The following NBPF14 variants were observed in gnomAD, a reference collection of about 807,000 sequenced individuals.
NBPF14 encodes NBPF family member NBPF14.
In NBPF14, 104 loss-of-function variants were observed where a neutral mutation model predicts 91.2. The ratio of observed to expected loss-of-function variants is 1.14; its 90% CI spans 0.97 to 1.34. NBPF14 has a LOEUF of 1.34. Ranked by LOEUF, NBPF14 falls within the 40% of genes most tolerant of loss-of-function variation. NBPF14 has a pLI of 0.00. For missense variants in NBPF14, 908 were observed against 783.0 expected (o/e 1.16, Z -1.91); for synonymous variants, 294 against 303.8 (o/e 0.97, Z 0.34).
rs1207906526 is a variant in NBPF14, at chr1:148,533,800, C to A, written c.8723+61G>T. ...TGACATCAAACACACTCTGGTTTCCCTGAATCTGTTGCCTCCAGGAGTTAA... is the reference window on the plus strand; with the variant it reads ...TGACATCAAACACACTCTGGTTTCCATGAATCTGTTGCCTCCAGGAGTTAA... On this transcript the variant is annotated intron_variant, in intron 70 of 70. Coordinates refer to ENST00000619423, the Ensembl canonical transcript of NBPF14. 14 of 766,094 alleles carry A rather than the reference C, an allele frequency of 1.8e-5. 2 individuals carry two copies. Among genetic ancestry groups the A allele is most frequent in the Admixed American group, 1.7e-4 (10 of 58,380 alleles). The allele number at this position is 766,094 out of a possible 1,614,324, so 47.5% of individuals were successfully genotyped here.
chr1:148,587,491 C>A, intron 7 of NBPF14, 88 bp from the exon 8 acceptor site: 6 of 1,307,074 alleles, frequency 4.6e-6, no homozygotes, highest in East Asian at 2.3e-5. Context: ...AGGTCCATCC[C>A]AAGGACAAAA....
intron 70 of NBPF14, among the ~76,000 whole-genome samples, 193 bp downstream of exon 70, chr1:148,533,668 G>T (rs1365482744): frequency 6.7e-6 from 1 of 149,206 alleles, no homozygotes; most frequent in African/African-American, 2.5e-5. Flanking sequence ...TCAACCTATG[G>T]TACGTTAGGA....
intron 68 of NBPF14, among the ~76,000 whole-genome samples, chr1:148,535,231 A>T (rs1198640451): frequency 1.3e-5 from 2 of 150,542 alleles, no homozygotes; most frequent in Non-Finnish European, 2.9e-5. Context: ...CAGTTGCCAT[A>T]CAGCCTTTGA....
intron 9 of NBPF14, among the ~76,000 whole-genome samples, chr1:148,585,463 G>A (rs1661358472): frequency 6.6e-6 from 1 of 151,510 alleles, no homozygotes; most frequent in South Asian, 2.1e-4. Flanking sequence ...CCATATCACT[G>A]GAGGCTTGTG....
At chr1:148,572,822 A>T (rs1242256223) in intron 20 of NBPF14, among the ~76,000 whole-genome samples, 1 of 46,018 alleles carries the variant, frequency 2.2e-5, no homozygotes, top group Non-Finnish European at 3.8e-5. Flanking sequence ...AGACAGAGAC[A>T]GAGACAGAGA....
At chr1:148,576,755 G>A (rs1442000690) in intron 15 of NBPF14, among the ~76,000 whole-genome samples, 10 of 147,972 alleles carry the variant, frequency 6.8e-5, no homozygotes, top group African/African-American at 2.2e-4. Context: ...TAAAGCAATT[G>A]CCCCCAAATG....
chr1:148,593,789 A>G, intron 2 of NBPF14, 89 bp from the exon 3 acceptor site: 1 of 1,058,678 alleles, frequency 9.4e-7, no homozygotes, highest in South Asian at 1.3e-5. Flanking sequence ...GGTCCATCCC[A>G]AGGACAAAAC....
chr1:148,586,664 C>T (rs1661579515), intron 8 of NBPF14, among the ~76,000 whole-genome samples, 195 bp from the exon 9 acceptor site: 3 of 147,306 alleles, frequency 2.0e-5, no homozygotes, highest in African/African-American at 7.4e-5. Flanking sequence ...TCAGAGAGGG[C>T]TCTTGCAAGA....
chr1:148,594,966 G>C (rs1195127234), intron 2 of NBPF14, among the ~76,000 whole-genome samples: 1 of 125,030 alleles, frequency 8.0e-6, no homozygotes, highest in Non-Finnish European at 1.7e-5. Flanking sequence ...AAAGTGCTGA[G>C]ATTATAGGAG....
intron 6 of NBPF14, among the ~76,000 whole-genome samples, chr1:148,590,144 G>T (rs1451333396): frequency 1.4e-5 from 2 of 139,070 alleles, no homozygotes; most frequent in East Asian, 4.0e-4. Flanking sequence ...CGGTTCCTGG[G>T]TTCATGCCAA....
chr1:148,572,766 A>G (rs1435334429), intron 20 of NBPF14, among the ~76,000 whole-genome samples, 151 bp from the exon 21 acceptor site: 1 of 76,514 alleles, frequency 1.3e-5, no homozygotes, highest in Admixed American at 1.2e-4. Context: ...TTATGTTGGG[A>G]TAGAACAGGG....
intron 10 of NBPF14, 138 bp downstream of exon 10, chr1:148,585,003 T>C: frequency 2.4e-6 from 2 of 848,880 alleles, no homozygotes; most frequent in South Asian, 2.8e-5. Flanking sequence ...ACCCTGTGTC[T>C]AAGCTGGATT....
intron 25 of NBPF14, among the ~76,000 whole-genome samples, chr1:148,568,886 C>G (rs1658764808): frequency 6.7e-6 from 1 of 148,480 alleles, no homozygotes. Context: ...ATCAAATACT[C>G]AGATTGTTCA....
intron 9 of NBPF14, 22 bp from the exon 10 acceptor site, chr1:148,585,235 TTC>T (rs1661314400): frequency 6.3e-7 from 1 of 1,590,192 alleles, no homozygotes. Context: ...GAAGTGTTCG[TTC>T]AGGTATTTCC....
chr1:148,534,029 T>G (rs1489268532), intron 69 of NBPF14, 60 bp from the exon 70 acceptor site: 1 of 656,460 alleles, frequency 1.5e-6, no homozygotes, highest in Non-Finnish European at 2.7e-6. Context: ...CACATAACAA[T>G]CCACTGTCTA....
chr1:148,534,605 A>G lies in NBPF14; in HGVS notation c.8614+79T>C, dbSNP rs1310071745. ...GGCAATGACATCTCTCGGGTGAGTA[A>G]GGGCCACTTGGAATAGGAATATCAC... is the stretch of plus-strand genomic sequence containing the variant. On this transcript the variant is annotated intron_variant, in intron 69 of 70. Transcript: ENST00000619423. 8.8e-6 allele frequency: 8 copies of G among 904,776 alleles called. 1 individual carries two copies. The highest frequency in any genetic ancestry group is 1.5e-5 in the Non-Finnish European group (8 of 537,002). 56.0% of individuals were successfully genotyped at this position (904,776 alleles called of 1,614,324 possible).
At chr1:148,535,261 A>G (rs1284914126) in intron 68 of NBPF14, among the ~76,000 whole-genome samples, 192 bp downstream of exon 68, 1 of 150,826 alleles carries the variant, frequency 6.6e-6, no homozygotes, top group Non-Finnish European at 1.5e-5. Flanking sequence ...AACCTACAGT[A>G]AGTGAGTAAA....
chr1:148,532,142 T>C (rs1451641586), exon 71 of NBPF14: 2 of 152,296 alleles, frequency 1.3e-5, no homozygotes, highest in Non-Finnish European at 2.9e-5. Context: ...CTTCTCCTTT[T>C]TGTTGTGTGA....
chr1:148,566,366 C>A lies in NBPF14; in HGVS notation c.3543-51G>T, dbSNP rs1270631667. 6.6e-6 allele frequency: 5 copies of A among 753,836 alleles called. 1 individual carries two copies. Among genetic ancestry groups the A allele is most frequent in the South Asian group, 2.8e-5 (2 of 71,604 alleles). The allele number at this position is 753,836 out of a possible 1,614,324, so 46.7% of individuals were successfully genotyped here. On this transcript the variant is annotated intron_variant, in intron 28 of 70. Coordinates refer to ENST00000619423, the Ensembl canonical transcript of NBPF14. ...ATAAGCCAGGGGAAATCAGACACAACAGAGCCTCAACTAGGTTTCATGGGT... is the reference window on the plus strand; with the variant it reads ...ATAAGCCAGGGGAAATCAGACACAAAAGAGCCTCAACTAGGTTTCATGGGT...
Sources: gnomAD v4.1 joint callset for allele counts (sites outside exome capture counted in the v4.1 genomes callset) on GRCh38, gnomAD v4.1.1 for gene constraint, MANE v1.5 for transcripts, NCBI Gene and HGNC (gene_info 2026-07-23, HGNC 2026-07-21) for gene names.